The following VSIG4 variants were observed in gnomAD, a reference collection of about 807,000 sequenced individuals.
VSIG4 encodes V-set and immunoglobulin domain-containing protein 4.
Under a neutral mutation model 23.4 loss-of-function variants are expected in VSIG4, and 34 were observed. The ratio of observed to expected loss-of-function variants is 1.45; its 90% CI spans 1.10 to 1.93. The LOEUF is 1.93. VSIG4 is among the 30% of genes most tolerant of loss of function. VSIG4 has a pLI of 0.00. For missense variants in VSIG4, 433 were observed against 310.8 expected (o/e 1.39, Z -2.96); for synonymous variants, 169 against 120.3 (o/e 1.41, Z -2.65).
At chrX:66,034,503 T>A (rs2085510480) in intron 1 of VSIG4, among the ~76,000 whole-genome samples, 1 of 112,044 alleles carries the variant, frequency 8.9e-6, no homozygotes, top group African/African-American at 3.2e-5. Context: ...ACAAAATCAT[T>A]AGCTATTGTT....
At chrX:66,036,118 T>A (rs1275779532) in intron 1 of VSIG4, among the ~76,000 whole-genome samples, 3 of 111,380 alleles carry the variant, frequency 2.7e-5, no homozygotes, top group African/African-American at 9.8e-5. Flanking sequence ...TGGCATGTTT[T>A]TTCCCCTTTT....
chrX:66,036,729 TA>T (rs1488335441), intron 1 of VSIG4, among the ~76,000 whole-genome samples: 2 of 50,493 alleles, frequency 4.0e-5, no homozygotes, highest in Non-Finnish European at 6.4e-5. Flanking sequence ...ATATATTATA[TA>T]ATTATAATAT....
In VSIG4 at chrX:66,022,393, T is replaced by C. The variant is rs1271990299; in HGVS notation, c.1070A>G (p.Tyr357Cys). 4.1e-6 allele frequency: 5 copies of C among 1,210,410 alleles called. No homozygotes were observed. Among genetic ancestry groups the C allele is most frequent in the Non-Finnish European group, 5.6e-6 (5 of 895,248 alleles). Residue 357 changes from tyrosine to cysteine, a missense_variant, in exon 8 of 8, where the codon TAC becomes TGC. Tyr to Cys is a radical substitution (Grantham distance 194, BLOSUM62 -2). Coordinates refer to ENST00000374737, the MANE Select transcript of VSIG4 (RefSeq NM_007268.3). ...EPTSQNLGNN[Y>C]SDEPCIGQEY... ...CTGTCCTATGCAGGGCTCATCAGAG[T>C]AGTTGTTGCCCAGATTCTGGGAAGT...
chrX:66,033,475 T>C lies in VSIG4; in HGVS notation c.411A>G (p.Lys137=). The part of the protein sequence containing the change: ...RDKITELRVQ[K]LSVSKPTVTT... ...TTTCCTACCCCCATAGTGACTCACG[T>C]TTCTGGACACGGAGCTCAGTAATCT... The change falls in exon 2 of 8, where the codon AAA becomes AAG. Residue 137 remains lysine, a splice_region_variant and synonymous_variant. Coordinates refer to ENST00000374737, the MANE Select transcript of VSIG4 (RefSeq NM_007268.3). The C allele has an allele frequency of 8.3e-7, 1 of 1,199,214 alleles. No individual in the cohort carries two copies. Among genetic ancestry groups the C allele is most frequent in the Non-Finnish European group, 1.1e-6 (1 of 887,526 alleles).
chrX:66,026,833 C>T (rs1019396877), intron 5 of VSIG4, among the ~76,000 whole-genome samples: 2 of 111,413 alleles, frequency 1.8e-5, no homozygotes, highest in African/African-American at 6.5e-5. Context: ...AGGAATGGGA[C>T]AAGGCAGCCC....
chrX:66,024,115 C>G (rs186642161), intron 6 of VSIG4, among the ~76,000 whole-genome samples: 40 of 112,438 alleles, frequency 3.6e-4, no homozygotes, highest in African/African-American at 1.3e-3. Flanking sequence ...GTAAGAGATA[C>G]TACAGAGAAT....
At position 66,037,048 on chromosome X, in the gene VSIG4, CAT is replaced by C. The variant is rs1350436454; in HGVS notation, c.55+2894_55+2895del. On this transcript the variant is annotated intron_variant, in intron 1 of 7. Transcript: ENST00000374737. The stretch of plus-strand genomic sequence containing the variant: ...TAATATATAATGTAATATAATATAT[CAT>C]ATAATATATATTATATAATAATATA... 5.7e-4 allele frequency among the ~76,000 whole-genome samples: 16 copies of C among 28,037 alleles called. 1 individual carries two copies. Among genetic ancestry groups the C allele is most frequent in the Non-Finnish European group, 7.2e-4 (13 of 18,142 alleles). The allele number at this position is 28,037 out of a possible 115,157, so 24.3% of individuals were successfully genotyped here.
Position 66,033,824 on chromosome X carries a change from G to A in VSIG4, c.62C>T (p.Pro21Leu). 3 of 1,202,236 alleles carry A rather than the reference G, an allele frequency of 2.5e-6. No individual in the cohort carries two copies. Among genetic ancestry groups the A allele is most frequent in the Non-Finnish European group, 3.4e-6 (3 of 889,918 alleles). The part of the protein sequence containing the change: ...GHLTVDTYGR[P>L]ILEVPESVTG... The stretch of plus-strand genomic sequence containing the variant: ...TACACTCTCTGGCACTTCCAGGATG[G>A]GACGGCCTGAAGAGGCGGAACAGAG... The change falls in exon 2 of 8, where the codon CCC becomes CTC. Residue 21 changes from proline (P) to leucine (L), a missense_variant. Transcript: ENST00000374737.
In VSIG4 at chrX:66,027,477, G is replaced by A; in HGVS notation, c.807C>T (p.Gly269=). 2.5e-6 allele frequency: 3 copies of A among 1,205,042 alleles called. No individual in the cohort carries two copies. Among genetic ancestry groups the A allele is most frequent in the Non-Finnish European group, 3.4e-6 (3 of 891,713 alleles). ...QSWDWTTDMD[G]YLGETSAGPG... The stretch of plus-strand genomic sequence containing the variant: ...GCCCAGCACTGGTCTCTCCAAGGTA[G>A]CCATCCATGTCAGTGGTCCAGTCCC... The change falls in exon 5 of 8, where the codon GGC becomes GGT. Residue 269 remains glycine, a synonymous_variant. Transcript: ENST00000374737.
At chrX:66,037,773 G>A (rs778545905) in intron 1 of VSIG4, among the ~76,000 whole-genome samples, 6 of 102,249 alleles carry the variant, frequency 5.9e-5, no homozygotes, top group Non-Finnish European at 1.2e-4. Context: ...TATACTTATT[G>A]CTGATAAGTA....
intron 1 of VSIG4, 93 bp from the exon 2 acceptor site, chrX:66,033,923 G>T: frequency 1.4e-6 from 1 of 708,204 alleles, no homozygotes; most frequent in Non-Finnish European, 2.1e-6. Context: ...AGGTTTCTGA[G>T]AAATGCCACT....
At chrX:66,033,425 C>T in intron 2 of VSIG4, 49 bp downstream of exon 2, 1 of 1,081,962 alleles carries the variant, frequency 9.2e-7, no homozygotes, top group Non-Finnish European at 1.3e-6. Flanking sequence ...ATTACATCCA[C>T]TATTGATTCA....
In VSIG4 at chrX:66,033,649, C is replaced by T; in HGVS notation, c.237G>A (p.Gln79=). ...LRDSSGDHIQ[Q]AKYQGRLHVS... is the part of the protein sequence containing the mutation. Reference sequence around the variant, plus strand: ...CATGCAGGCGGCCCTGGTACTTTGCCTGCTGGATATGGTCTCCAGAAGAGT... The same window carrying T: ...CATGCAGGCGGCCCTGGTACTTTGCTTGCTGGATATGGTCTCCAGAAGAGT... The change falls in exon 2 of 8, where the codon CAG becomes CAA. Residue 79 remains glutamine, a synonymous_variant. Transcript: ENST00000374737. The T allele has an allele frequency of 8.3e-7, 1 of 1,211,484 alleles. No homozygotes were observed. The highest frequency in any genetic ancestry group is 1.1e-6 in the Non-Finnish European group (1 of 895,439).
In VSIG4 at chrX:66,025,119, C is replaced by T; in HGVS notation, c.846G>A (p.Leu282=). 1 of 1,190,332 alleles carries T rather than the reference C, an allele frequency of 8.4e-7. No homozygotes were observed. The highest frequency in any genetic ancestry group is 1.1e-6 in the Non-Finnish European group (1 of 884,342). ...TGATGAGGATGATGGCAAAGACAGG[C>T]AGGCTCTTTCCTAGAGGGTAAAACA... ...GETSAGPGKS[L]PVFAIILIIS... Residue 282 remains leucine (L), a synonymous_variant, in exon 6 of 8, where the codon CTG becomes CTA. Coordinates refer to ENST00000374737, the MANE Select transcript of VSIG4 (RefSeq NM_007268.3).
At chrX:66,022,774 T>A in intron 7 of VSIG4, 67 bp downstream of exon 7, 1 of 1,209,946 alleles carries the variant, frequency 8.3e-7, no homozygotes, top group Non-Finnish European at 1.1e-6. Context: ...TCCTCCACAT[T>A]TCCTGCCAGT....
In VSIG4 at chrX:66,032,508, G is replaced by C. The variant is rs1459272938; in HGVS notation, c.654C>G (p.Gly218=). ...TCACAATGTCGCTGTGCTGCTCAGA[G>C]CCAACCTGGCCCTTGGCAGTGCAGA... The part of the protein sequence containing the change: ...SYFCTAKGQV[G]SEQHSDIVKF... The change falls in exon 3 of 8, where the codon GGC becomes GGG. Residue 218 remains glycine (G), a synonymous_variant. Coordinates refer to ENST00000374737, the MANE Select transcript of VSIG4 (RefSeq NM_007268.3). 8.3e-7 allele frequency: 1 copy of C among 1,211,909 alleles called. No individual in the cohort carries two copies. The highest frequency in any genetic ancestry group is 1.1e-6 in the Non-Finnish European group (1 of 895,517).
At chrX:66,038,608 C>A (rs1029917331) in intron 1 of VSIG4, among the ~76,000 whole-genome samples, 1 of 111,733 alleles carries the variant, frequency 8.9e-6, no homozygotes, top group African/African-American at 3.3e-5. Context: ...CTCAAACCAA[C>A]AGACTTGGAG....
rs1423155503 is a variant in VSIG4 at position 66,037,307 on chromosome X, A to AT, written c.55+2636dup. 7.1e-3 allele frequency among the ~76,000 whole-genome samples: 19 copies of AT among 2,677 alleles called. 3 individuals are homozygous for AT. The highest frequency in any genetic ancestry group is 0.015 in the African/African-American group (9 of 606). The allele number at this position is 2,677 out of a possible 115,157, so 2.3% of individuals were successfully genotyped here. On this transcript the variant is annotated intron_variant, in intron 1 of 7. Coordinates refer to ENST00000374737, the MANE Select transcript of VSIG4 (RefSeq NM_007268.3). ...TATATAATATATATTATATAATAAT[A>AT]TAATATATAATATATATTATATAAT...
chrX:66,039,268 G>A (rs1327333363), intron 1 of VSIG4, among the ~76,000 whole-genome samples: 1 of 112,017 alleles, frequency 8.9e-6, no homozygotes, highest in African/African-American at 3.2e-5. Flanking sequence ...GGGCTTTGAA[G>A]GGCTATCACA....
Sources: allele counts gnomAD v4.1 joint callset (sites outside exome capture counted in the v4.1 genomes callset), GRCh38; gene constraint gnomAD v4.1.1; transcripts MANE v1.5; gene names NCBI Gene and HGNC (gene_info 2026-07-23, HGNC 2026-07-21).